The following NAALADL2 variants were observed in gnomAD, a reference collection of about 807,000 sequenced individuals.
NAALADL2 encodes the protein N-acetylated alpha-linked acidic dipeptidase like 2.
A neutral mutation model predicts 87.2 loss-of-function variants in NAALADL2; 76 were observed. The ratio of observed to expected loss-of-function variants is 0.87; its 90% CI spans 0.72 to 1.05. The LOEUF (loss-of-function observed/expected upper bound fraction) is 1.05, where lower values mean the gene tolerates loss of function less well. Ranked by LOEUF, NAALADL2 falls within the 50% of genes least tolerant of loss-of-function variation. The probability of loss-of-function intolerance (pLI) is 0.00; values close to 1 mark genes in which losing one functional copy is unlikely to be tolerated. For missense variants in NAALADL2, 1,089 were observed against 945.8 expected (o/e 1.15, Z -1.99); for synonymous variants, 354 against 331.0 (o/e 1.07, Z -0.75).
intron 2 of NAALADL2, among the ~76,000 whole-genome samples, chr3:175,182,549 A>AT (rs1479025643): frequency 5.6e-5 from 4 of 71,910 alleles, no homozygotes; most frequent in East Asian, 3.9e-4. Context: ...CACCACAGCC[A>AT]GTTTTTTTTT....
chr3:174,639,972 A>C (rs1280977991), intron 2 of NAALADL2, among the ~76,000 whole-genome samples: 1 of 152,138 alleles, frequency 6.6e-6, no homozygotes, highest in Non-Finnish European at 1.5e-5. Flanking sequence ...GGTGTTTAGA[A>C]GTTCTGAAGT....
chr3:174,506,985 T>A (rs913881993), intron 1 of NAALADL2, among the ~76,000 whole-genome samples: 10 of 152,026 alleles, frequency 6.6e-5, no homozygotes, highest in Non-Finnish European at 7.4e-5. Flanking sequence ...AATTGTCAAT[T>A]TTAATTTTAT....
chr3:174,704,497 T>C (rs918275688), intron 2 of NAALADL2, among the ~76,000 whole-genome samples: 14 of 152,154 alleles, frequency 9.2e-5, no homozygotes, highest in African/African-American at 3.4e-4. Flanking sequence ...TTATTAATTA[T>C]AAATTCATGC....
chr3:175,533,792 ACTCTCACTCAGG>A (rs886368603), intron 9 of NAALADL2, among the ~76,000 whole-genome samples: 4 of 151,664 alleles, frequency 2.6e-5, no homozygotes, highest in African/African-American at 9.7e-5. Context: ...AGGAGGTAAG[ACTCTCACTCAGG>A]CCAATCTTAG....
intron 3 of NAALADL2, chr3:175,235,442 T>G (rs1444370509): frequency 6.6e-6 from 1 of 152,202 alleles, no homozygotes; most frequent in Non-Finnish European, 1.5e-5. Flanking sequence ...ATATTTCTAC[T>G]GTAGGACTCA....
At chr3:174,970,329 T>C (rs1210968910) in intron 1 of NAALADL2, among the ~76,000 whole-genome samples, 2 of 152,204 alleles carry the variant, frequency 1.3e-5, no homozygotes, top group Non-Finnish European at 2.9e-5. Flanking sequence ...TGGATGGTTA[T>C]AGTGAATTAG....
At position 175,803,921 on chromosome 3, in the gene NAALADL2, T is replaced by G. The variant is rs985239581; in HGVS notation, c.*718T>G. ...CTTTGAAACCCCTAATTTGCCTCAG[T>G]TGATTTTCTAAGAATTTCAGGAGTG... is the stretch of plus-strand genomic sequence containing the variant. On this transcript the variant is annotated 3_prime_UTR_variant, in exon 14 of 14. Transcript: ENST00000454872. 3 of 152,376 alleles carry G rather than the reference T, an allele frequency of 2.0e-5. No individual in the cohort carries two copies. Among genetic ancestry groups the G allele is most frequent in the Non-Finnish European group, 4.4e-5 (3 of 67,888 alleles). 9.4% of individuals were successfully genotyped at this position (152,376 alleles called of 1,614,324 possible).
chr3:175,537,821 G>A (rs1050586928), intron 9 of NAALADL2, among the ~76,000 whole-genome samples: 3 of 152,140 alleles, frequency 2.0e-5, no homozygotes, highest in Non-Finnish European at 4.4e-5. Context: ...AATATGCCTA[G>A]CATGTACAGA....
chr3:175,331,012 T>C (rs2110494973), intron 5 of NAALADL2, among the ~76,000 whole-genome samples: 1 of 152,228 alleles, frequency 6.6e-6, no homozygotes, highest in Non-Finnish European at 1.5e-5. Flanking sequence ...GGGACTATTA[T>C]GAACAACTAT....
At position 175,806,265 on chromosome 3, in the gene NAALADL2, A is replaced by G. The variant is rs527995709; in HGVS notation, c.*3062A>G. 14 of 151,902 alleles carry G rather than the reference A, an allele frequency of 9.2e-5. No individual in the cohort carries two copies. Among genetic ancestry groups the G allele is most frequent in the Admixed American group, 2.0e-4 (3 of 15,214 alleles). The allele number at this position is 151,902 out of a possible 1,614,324, so 9.4% of individuals were successfully genotyped here. On this transcript the variant is annotated 3_prime_UTR_variant, in exon 14 of 14. Coordinates refer to ENST00000454872, the MANE Select transcript of NAALADL2 (RefSeq NM_207015.3). ...ACTGGGTACTTGAGAGAAAGTGGGG[A>G]GAATCCTTACAGAACACCAGAAGTC... is the stretch of plus-strand genomic sequence containing the variant.
intron 2 of NAALADL2, among the ~76,000 whole-genome samples, chr3:175,128,263 A>C (rs1727271316): frequency 6.6e-6 from 1 of 152,224 alleles, no homozygotes; most frequent in African/African-American, 2.4e-5. Context: ...GCTTGTGATT[A>C]AAATTAATTT....
At chr3:174,647,172 C>G (rs1181089745) in intron 2 of NAALADL2, among the ~76,000 whole-genome samples, 3 of 152,140 alleles carry the variant, frequency 2.0e-5, no homozygotes, top group Non-Finnish European at 4.4e-5. Context: ...CACAGCAACA[C>G]TATAATGTAG....
At chr3:175,225,064 C>A (rs538004278) in intron 2 of NAALADL2, among the ~76,000 whole-genome samples, 1 of 152,246 alleles carries the variant, frequency 6.6e-6, no homozygotes, top group African/African-American at 2.4e-5. Context: ...TCTGGGCTAA[C>A]AACTGAAAAA....
intron 1 of NAALADL2, among the ~76,000 whole-genome samples, chr3:175,082,897 G>C (rs1252972650): frequency 6.6e-6 from 1 of 152,156 alleles, no homozygotes; most frequent in Non-Finnish European, 1.5e-5. Flanking sequence ...ATTGTTCTGG[G>C]CATAGCTAAA....
rs1433935047 is a variant in NAALADL2, at chr3:175,096,918, G to A, written c.172G>A (p.Glu58Lys). 3 of 1,613,444 alleles carry A rather than the reference G, an allele frequency of 1.9e-6. No individual in the cohort carries two copies. In the South Asian group the frequency reaches 3.3e-5, roughly 18 times the overall value. The change falls in exon 2 of 14, where the codon GAG becomes AAG. Residue 58 changes from glutamate to lysine, a missense_variant. Glu to Lys is a moderately conservative substitution (Grantham distance 56). Transcript: ENST00000454872. ...GTGGGACATGGAGAAGGAACTAGAGGAGTCTGGTTTTGACCAATTCCAGCT... is the reference window on the plus strand; with the variant it reads ...GTGGGACATGGAGAAGGAACTAGAGAAGTCTGGTTTTGACCAATTCCAGCT... ...LEWDMEKELE[E>K]SGFDQFQLDG...
chr3:175,413,570 A>AAAAT (rs1714025932), intron 5 of NAALADL2, among the ~76,000 whole-genome samples: 1 of 150,950 alleles, frequency 6.6e-6, no homozygotes, highest in South Asian at 2.1e-4. Flanking sequence ...ACTCCATCAA[A>AAAAT]AAAAAAAAAA....
At chr3:175,455,879 A>G (rs1722248602) in intron 6 of NAALADL2, among the ~76,000 whole-genome samples, 1 of 152,056 alleles carries the variant, frequency 6.6e-6, no homozygotes, top group Non-Finnish European at 1.5e-5. Context: ...CCAATCCTAG[A>G]AGAAGTTATT....
chr3:175,631,444 G>C (rs1727749831), intron 11 of NAALADL2, among the ~76,000 whole-genome samples: 1 of 141,254 alleles, frequency 7.1e-6, no homozygotes, highest in Non-Finnish European at 1.6e-5. Flanking sequence ...CTGTTTCCCT[G>C]TAGTTCTTTT....
chr3:175,615,343 TAATA>T (rs1333919385), intron 10 of NAALADL2, among the ~76,000 whole-genome samples: 2 of 152,032 alleles, frequency 1.3e-5, no homozygotes, highest in African/African-American at 4.8e-5. Context: ...TTGGGAAAAA[TAATA>T]AATACCTTTC....
Sources: allele counts gnomAD v4.1 joint callset (sites outside exome capture counted in the v4.1 genomes callset), GRCh38; gene constraint gnomAD v4.1.1; transcripts MANE v1.5; gene names NCBI Gene and HGNC (gene_info 2026-07-23, HGNC 2026-07-21).